The following MUSK variants were observed in gnomAD, a reference collection of about 807,000 sequenced individuals.
The protein encoded by MUSK is muscle associated receptor tyrosine kinase, also known as muscle, skeletal receptor tyrosine-protein kinase.
Under a neutral mutation model 88.7 loss-of-function variants are expected in MUSK, and 55 were observed. The observed-to-expected ratio is 0.62, with a 90% confidence interval of 0.50 to 0.78. MUSK has a LOEUF of 0.78. Ranked by LOEUF, MUSK falls within the 30% of genes least tolerant of loss-of-function variation. MUSK has a pLI of 0.00. For synonymous variants in MUSK, 387 were observed against 391.9 expected (o/e 0.99, Z 0.15); for missense variants, 1,015 against 1,074.3 (o/e 0.94, Z 0.77).
At chr9:110,702,483 C>T (rs181131955) in intron 5 of MUSK, among the ~76,000 whole-genome samples, 112 of 152,148 alleles carry the variant, frequency 7.4e-4, no homozygotes, top group African/African-American at 2.4e-3. Context: ...TGTCTTTAGT[C>T]GTGAGGGAGA....
chr9:110,703,255 G>A (rs1049465611), intron 5 of MUSK, among the ~76,000 whole-genome samples: 1 of 151,984 alleles, frequency 6.6e-6, no homozygotes. Context: ...AATACATTAG[G>A]GCCAGGCACA....
In MUSK at chr9:110,804,766, C is replaced by A. The variant is rs186782181; in HGVS notation, c.*3778C>A. On this transcript the variant is annotated 3_prime_UTR_variant, in exon 15 of 15. Transcript: ENST00000374448. ...AATAATATACAATAATATGTATAATCATAATAGACAATAATAAAAATGAAA... is the reference window on the plus strand; with the variant it reads ...AATAATATACAATAATATGTATAATAATAATAGACAATAATAAAAATGAAA... Among the ~76,000 whole-genome samples the A allele has an allele frequency of 1.5e-3, 229 of 151,566 alleles. No homozygotes were observed. The highest frequency in any genetic ancestry group is 5.3e-3 in the African/African-American group (221 of 41,390).
At position 110,688,883 on chromosome 9, in the gene MUSK, T is replaced by C. The variant is rs932023625; in HGVS notation, c.358+1615T>C. Among the ~76,000 whole-genome samples, 7 of 149,996 alleles carry C rather than the reference T, an allele frequency of 4.7e-5. No homozygotes were observed. The East Asian group carries it at 1.4e-3, about 29-fold the overall frequency. ...CCATCATTAATGGGCATTTAGGTTG[T>C]TTGTGTTAACTGTTTTATTGTTTTT... On this transcript the variant is annotated intron_variant, in intron 3 of 14. Coordinates refer to ENST00000374448, the MANE Select transcript of MUSK (RefSeq NM_005592.4).
chr9:110,714,297 G>A (rs957610756), intron 5 of MUSK, among the ~76,000 whole-genome samples: 7 of 151,994 alleles, frequency 4.6e-5, no homozygotes, highest in African/African-American at 1.7e-4. Flanking sequence ...TTTCTTGCTC[G>A]TACCCACTAT....
In MUSK at chr9:110,687,033, A is replaced by G. The variant is rs2076204607; in HGVS notation, c.207-84A>G. The G allele has an allele frequency of 2.2e-6, 3 of 1,387,222 alleles. No homozygotes were observed. The Admixed American group carries it at 6.1e-5, about 28-fold the overall frequency. 85.9% of individuals were successfully genotyped at this position (1,387,222 alleles called of 1,614,324 possible). Reference sequence around the variant, plus strand: ...TCACCTTTATTCTACTTCCTCATTAACAAGTCATCGGTTTGATACATTAAT... The same window carrying G: ...TCACCTTTATTCTACTTCCTCATTAGCAAGTCATCGGTTTGATACATTAAT... On this transcript the variant is annotated intron_variant, in intron 2 of 14. Coordinates refer to ENST00000374448, the MANE Select transcript of MUSK (RefSeq NM_005592.4).
At chr9:110,675,969 C>T (rs538229798) in intron 1 of MUSK, among the ~76,000 whole-genome samples, 1 of 152,176 alleles carries the variant, frequency 6.6e-6, no homozygotes, top group East Asian at 1.9e-4. Context: ...TGTTCTTTAT[C>T]TCTCAATATC....
chr9:110,777,722 A>G (rs767044923), intron 11 of MUSK, among the ~76,000 whole-genome samples: 5 of 152,122 alleles, frequency 3.3e-5, no homozygotes, highest in Non-Finnish European at 7.4e-5. Flanking sequence ...CAGACCATTC[A>G]TCTTAAATTA....
At chr9:110,776,693 T>C in intron 11 of MUSK, 38 bp downstream of exon 11, 2 of 1,525,054 alleles carry the variant, frequency 1.3e-6, no homozygotes, top group Non-Finnish European at 1.8e-6. Context: ...ACCTTATGTG[T>C]ATGTAATTGG....
intron 6 of MUSK, among the ~76,000 whole-genome samples, chr9:110,739,194 G>A (rs1440679135): frequency 1.3e-5 from 2 of 152,132 alleles, no homozygotes; most frequent in Non-Finnish European, 2.9e-5. Context: ...GATGATTCAT[G>A]AGAAGGACTC....
At chr9:110,762,982 T>C (rs1049612360) in intron 8 of MUSK, among the ~76,000 whole-genome samples, 5 of 152,170 alleles carry the variant, frequency 3.3e-5, no homozygotes, top group Non-Finnish European at 7.4e-5. Context: ...GTTCTCATCA[T>C]CAGAAAATGG....
At chr9:110,739,134 T>A (rs2077065226) in intron 6 of MUSK, among the ~76,000 whole-genome samples, 1 of 152,168 alleles carries the variant, frequency 6.6e-6, no homozygotes, top group Non-Finnish European at 1.5e-5. Flanking sequence ...TTGTCTAATG[T>A]GTCTCCAAAT....
At chr9:110,700,728 G>C (rs4524871) in intron 5 of MUSK, among the ~76,000 whole-genome samples, 21,140 of 152,100 alleles carry the variant, frequency 0.14, 1,820 homozygotes, top group East Asian at 0.2. Context: ...TCAATGAAAT[G>C]TGGTGCTGGA....
chr9:110,741,767 G>A (rs2077102575), intron 6 of MUSK, among the ~76,000 whole-genome samples: 1 of 152,066 alleles, frequency 6.6e-6, no homozygotes, highest in Non-Finnish European at 1.5e-5. Flanking sequence ...ACAAATGAAC[G>A]TGCTTTTCCA....
At chr9:110,726,186 T>A (rs1189004423) in intron 5 of MUSK, among the ~76,000 whole-genome samples, 7 of 152,058 alleles carry the variant, frequency 4.6e-5, no homozygotes, top group Admixed American at 1.3e-4. Flanking sequence ...AGTCTATAAC[T>A]GAAACTATAA....
At position 110,678,987 on chromosome 9, in the gene MUSK, G is replaced by A. The variant is rs150855822; in HGVS notation, c.80-3687G>A. 1.4e-3 allele frequency among the ~76,000 whole-genome samples: 206 copies of A among 151,828 alleles called. 2 individuals carry two copies. Among genetic ancestry groups the A allele is most frequent in the African/African-American group, 4.5e-3 (186 of 41,424 alleles). Reference sequence around the variant, plus strand: ...TATATAAAATCAATTCTTTGAGCTGGGTTAAAATCTCCTATGTAGCTTGGT... The same window carrying A: ...TATATAAAATCAATTCTTTGAGCTGAGTTAAAATCTCCTATGTAGCTTGGT... On this transcript the variant is annotated intron_variant, in intron 1 of 14. Transcript: ENST00000374448.
At chr9:110,687,763 T>G (rs375065096) in intron 3 of MUSK, among the ~76,000 whole-genome samples, 460 of 152,206 alleles carry the variant, frequency 3.0e-3, no homozygotes, top group African/African-American at 0.01. Flanking sequence ...ATGCCTGCTA[T>G]CAACCACTAC....
rs548556879 is a variant in MUSK, at chr9:110,785,856, T to C, written c.1778+138T>C. 11 of 474,468 alleles carry C rather than the reference T, an allele frequency of 2.3e-5. 1 individual carries two copies. In the South Asian group the frequency reaches 4.0e-4, roughly 17 times the overall value. 29.4% of individuals were successfully genotyped at this position (474,468 alleles called of 1,614,324 possible). A position where few individuals can be genotyped will look rare whatever the true frequency, so the allele number is the denominator to read the frequency against. ...CATATATATATATATATCAAGCTAA[T>C]GATATAGTACATATATATGTACACT... is the stretch of plus-strand genomic sequence containing the variant. On this transcript the variant is annotated intron_variant, in intron 13 of 14. Coordinates refer to ENST00000374448, the MANE Select transcript of MUSK (RefSeq NM_005592.4).
In MUSK at chr9:110,743,912, A is replaced by G. The variant is rs755658833; in HGVS notation, c.754-3729A>G. 3.9e-5 allele frequency among the ~76,000 whole-genome samples: 6 copies of G among 152,068 alleles called. No individual in the cohort carries two copies. In the South Asian group the frequency reaches 1.2e-3, roughly 31 times the overall value. ...TTATCCCTTTTTCTATGATTCATAAACAGACATTATTACAACTGCATAAAC... is the reference window on the plus strand; with the variant it reads ...TTATCCCTTTTTCTATGATTCATAAGCAGACATTATTACAACTGCATAAAC... On this transcript the variant is annotated intron_variant, in intron 6 of 14. Coordinates refer to ENST00000374448, the MANE Select transcript of MUSK (RefSeq NM_005592.4).
intron 11 of MUSK, among the ~76,000 whole-genome samples, chr9:110,779,818 A>G (rs2077724218): frequency 1.3e-5 from 2 of 152,154 alleles, no homozygotes; most frequent in African/African-American, 4.8e-5. Flanking sequence ...AGCATTTATA[A>G]TAATTTGTAC....
Sources: allele counts gnomAD v4.1 joint callset (sites outside exome capture counted in the v4.1 genomes callset), GRCh38; gene constraint gnomAD v4.1.1; transcripts MANE v1.5; gene names NCBI Gene and HGNC (gene_info 2026-07-23, HGNC 2026-07-21).